Variants in MFN1 observed in about 807,000 individuals in gnomAD.
MFN1 encodes the protein mitofusin-1.
MFN1 carries 65 observed loss-of-function variants against 92.4 expected under a neutral mutation model. The ratio of observed to expected loss-of-function variants is 0.70; its 90% CI spans 0.58 to 0.86. MFN1 has a LOEUF of 0.86. Among genes scored for constraint, MFN1 ranks in the 40% least tolerant of loss-of-function variants. The probability of loss-of-function intolerance (pLI) is 0.00; values close to 1 mark genes in which losing one functional copy is unlikely to be tolerated. For synonymous variants in MFN1, 297 were observed against 300.9 expected (o/e 0.99, Z 0.13); for missense variants, 781 against 868.0 (o/e 0.90, Z 1.26).
rs753092652 is a variant in MFN1, at chr3:179,391,966, T to G, written c.2148-15T>G. 9.1e-6 allele frequency: 14 copies of G among 1,546,188 alleles called. No individual in the cohort carries two copies. The highest frequency in any genetic ancestry group is 1.2e-5 in the Non-Finnish European group (13 of 1,122,012). On this transcript the variant is annotated splice_polypyrimidine_tract_variant and intron_variant, in intron 17 of 17. Coordinates refer to ENST00000471841, the MANE Select transcript of MFN1 (RefSeq NM_033540.3). Reference sequence around the variant, plus strand: ...CTTTATAGTAATTAGATTGGTGTTTTATTTTTTTAATTAGAAATAAAGCTG... The same window carrying G: ...CTTTATAGTAATTAGATTGGTGTTTGATTTTTTTAATTAGAAATAAAGCTG...
intron 7 of MFN1, among the ~76,000 whole-genome samples, chr3:179,366,555 A>G (rs1297522212): frequency 6.6e-6 from 1 of 152,150 alleles, no homozygotes; most frequent in Non-Finnish European, 1.5e-5. Flanking sequence ...AACTTAAACT[A>G]TCCCATCACT....
chr3:179,367,936 A>G (rs1249258064), intron 8 of MFN1, 100 bp from the exon 9 acceptor site: 9 of 352,278 alleles, frequency 2.6e-5, no homozygotes, highest in East Asian at 1.0e-4. Flanking sequence ...GGGAAAAAGT[A>G]TATATATATA....
At chr3:179,351,558 G>A (rs1048927781) in intron 2 of MFN1, among the ~76,000 whole-genome samples, 3 of 152,166 alleles carry the variant, frequency 2.0e-5, no homozygotes, top group Non-Finnish European at 2.9e-5. Context: ...CTGAGCTCAA[G>A]ATCTGAAGAT....
At chr3:179,350,985 A>T (rs903352516) in intron 2 of MFN1, among the ~76,000 whole-genome samples, 4 of 152,122 alleles carry the variant, frequency 2.6e-5, no homozygotes, top group Non-Finnish European at 4.4e-5. Context: ...TTGTACTTTT[A>T]GTAGAGATGG....
At chr3:179,364,471 A>G in intron 6 of MFN1, 66 bp downstream of exon 6, 1 of 1,253,422 alleles carries the variant, frequency 8.0e-7, no homozygotes, top group Admixed American at 1.8e-5. Flanking sequence ...TTTAATTCTG[A>G]AAAGCAAGGG....
At chr3:179,365,062 T>C in intron 6 of MFN1, 56 bp from the exon 7 acceptor site, 1 of 1,003,648 alleles carries the variant, frequency 1.0e-6, no homozygotes, top group Non-Finnish European at 1.4e-6. Context: ...AAATAAAATT[T>C]CAATTATAAA....
intron 4 of MFN1, 91 bp from the exon 5 acceptor site, chr3:179,362,266 GT>G: frequency 2.3e-6 from 3 of 1,288,568 alleles, no homozygotes; most frequent in Non-Finnish European, 3.1e-6. Flanking sequence ...TTATATACCT[GT>G]TTTGCTAAAA....
chr3:179,352,825 C>T (rs544690191), intron 3 of MFN1, among the ~76,000 whole-genome samples: 2 of 152,232 alleles, frequency 1.3e-5, no homozygotes, highest in South Asian at 2.1e-4. Context: ...AATCTCGGCT[C>T]GCTGCAACCT....
chr3:179,394,289 T>C lies in MFN1; in HGVS notation c.*2230T>C, dbSNP rs1171950244. Reference sequence around the variant, plus strand: ...TTTCTGATGCACAGTGAAATTGGGGTACCACTGGTATTAGGTTTGGTATGG... The same window carrying C: ...TTTCTGATGCACAGTGAAATTGGGGCACCACTGGTATTAGGTTTGGTATGG... On this transcript the variant is annotated 3_prime_UTR_variant, in exon 18 of 18. Coordinates refer to ENST00000471841, the MANE Select transcript of MFN1 (RefSeq NM_033540.3). 6.6e-6 allele frequency: 1 copy of C among 152,146 alleles called. No individual in the cohort carries two copies. The highest frequency in any genetic ancestry group is 1.5e-5 in the Non-Finnish European group (1 of 68,042). 9.4% of individuals were successfully genotyped at this position (152,146 alleles called of 1,614,324 possible). A position where few individuals can be genotyped will look rare whatever the true frequency, so the allele number is the denominator to read the frequency against.
Position 179,375,306 on chromosome 3 carries a change from A to G in MFN1, c.1062A>G (p.Ile354Met), listed in dbSNP as rs1392666767. 9.9e-6 allele frequency: 16 copies of G among 1,613,678 alleles called. No homozygotes were observed. In the Middle Eastern group the frequency reaches 6.6e-4, roughly 66 times the overall value. The change falls in exon 10 of 18, where the codon ATA becomes ATG. Residue 354 changes from isoleucine (I) to methionine (M), a missense_variant. Coordinates refer to ENST00000471841, the MANE Select transcript of MFN1 (RefSeq NM_033540.3). Reference sequence around the variant, plus strand: ...AGATACTAGCTACTGTGAAAAACATAATGGATTCAGTAAACCTGGCAGCTG... The same window carrying G: ...AGATACTAGCTACTGTGAAAAACATGATGGATTCAGTAAACCTGGCAGCTG... ...AKQILATVKN[I>M]MDSVNLAAED...
intron 4 of MFN1, among the ~76,000 whole-genome samples, chr3:179,360,073 A>C (rs1035166903): frequency 1.3e-5 from 2 of 151,418 alleles, no homozygotes; most frequent in Non-Finnish European, 2.9e-5. Flanking sequence ...GCACCACCAC[A>C]CCTGCCTAAT....
rs1236641726 is a variant in MFN1 at position 179,394,605 on chromosome 3, C to CG, written c.*2550dup. On this transcript the variant is annotated 3_prime_UTR_variant, in exon 18 of 18. Transcript: ENST00000471841. ...TAATTTTTTGTATTTTTAGTAGAGA[C>CG]GGGGTTTCACCGTGTTAGCCAGGAT... 8 of 151,396 alleles carry CG rather than the reference C, an allele frequency of 5.3e-5. No individual in the cohort carries two copies. Among genetic ancestry groups the CG allele is most frequent in the Non-Finnish European group, 1.2e-4 (8 of 67,850 alleles). 9.4% of individuals were successfully genotyped at this position (151,396 alleles called of 1,614,324 possible). A position where few individuals can be genotyped will look rare whatever the true frequency, so the allele number is the denominator to read the frequency against.
chr3:179,350,997 GT>G (rs1560188475), intron 2 of MFN1, among the ~76,000 whole-genome samples: 1 of 152,164 alleles, frequency 6.6e-6, no homozygotes, highest in African/African-American at 2.4e-5. Flanking sequence ...TAGAGATGGT[GT>G]TTTACCATAT....
At chr3:179,391,488 C>T (rs1713899188) in intron 17 of MFN1, among the ~76,000 whole-genome samples, 1 of 152,104 alleles carries the variant, frequency 6.6e-6, no homozygotes, top group Non-Finnish European at 1.5e-5. Context: ...GAGTTCAGAG[C>T]TGATGTATAC....
chr3:179,387,071 A>C (rs1027542166), intron 16 of MFN1, among the ~76,000 whole-genome samples: 1 of 151,876 alleles, frequency 6.6e-6, no homozygotes, highest in Non-Finnish European at 1.5e-5. Flanking sequence ...GTGTGCCACC[A>C]CACCAGGATA....
intron 14 of MFN1, among the ~76,000 whole-genome samples, chr3:179,383,976 G>A (rs544215630): frequency 2.0e-5 from 3 of 152,232 alleles, no homozygotes; most frequent in South Asian, 4.2e-4. Flanking sequence ...CTCATTTGTA[G>A]TCAATTATGA....
intron 8 of MFN1, among the ~76,000 whole-genome samples, 183 bp downstream of exon 8, chr3:179,367,775 T>A (rs1407438781): frequency 6.7e-6 from 1 of 149,218 alleles, no homozygotes; most frequent in African/African-American, 2.5e-5. Context: ...ATACAAAAAT[T>A]AGCTGGGCAT....
intron 3 of MFN1, 135 bp from the exon 4 acceptor site, chr3:179,358,705 A>T: frequency 1.2e-6 from 1 of 821,490 alleles, no homozygotes; most frequent in Non-Finnish European, 1.8e-6. Flanking sequence ...CCAAGTGGTT[A>T]ATCTTTTCAT....
chr3:179,378,524 T>C (rs903056229), intron 13 of MFN1, 61 bp from the exon 14 acceptor site: 2 of 1,529,720 alleles, frequency 1.3e-6, no homozygotes, highest in African/African-American at 2.8e-5. Context: ...CTTTAGGCAT[T>C]CCATTGAAGG....
Sources: gnomAD v4.1 joint callset for allele counts (sites outside exome capture counted in the v4.1 genomes callset) on GRCh38, gnomAD v4.1.1 for gene constraint, MANE v1.5 for transcripts, NCBI Gene and HGNC (gene_info 2026-07-23, HGNC 2026-07-21) for gene names.